IGF2BP3: variants seen among roughly 807,000 people sequenced by gnomAD.
IGF2BP3 encodes insulin like growth factor 2 mRNA binding protein 3, also known as insulin-like growth factor 2 mRNA-binding protein 3.
Under a neutral mutation model 73.8 loss-of-function variants are expected in IGF2BP3, and 9 were observed. That is an observed-to-expected ratio of 0.12 (90% CI 0.07 to 0.21). The LOEUF is 0.21. IGF2BP3 is among the 10% of genes least tolerant of loss of function. The pLI, the probability that IGF2BP3 is intolerant of heterozygous loss-of-function variation, is 1.00. For synonymous variants in IGF2BP3, 258 were observed against 256.7 expected (o/e 1.01, Z -0.05); for missense variants, 542 against 714.0 (o/e 0.76, Z 2.75).
intron 3 of IGF2BP3, chr7:23,415,582 C>A: frequency 3.7e-6 from 1 of 268,144 alleles, no homozygotes; most frequent in South Asian, 3.2e-5. Context: ...GCCGGCGTCA[C>A]TGAATCAGCA....
intron 3 of IGF2BP3, among the ~76,000 whole-genome samples, chr7:23,391,696 CAA>C (rs1467492365): frequency 6.6e-6 from 1 of 152,112 alleles, no homozygotes; most frequent in Non-Finnish European, 1.5e-5. Flanking sequence ...ATGTTTCATC[CAA>C]AAGATTGCAA....
intron 3 of IGF2BP3, among the ~76,000 whole-genome samples, 183 bp from the exon 4 acceptor site, chr7:23,361,924 GC>G (rs901268766): frequency 1.2e-4 from 18 of 152,280 alleles, no homozygotes; most frequent in Non-Finnish European, 2.4e-4. Context: ...TGTCTCTTCT[GC>G]CCTCTCCTAG....
rs1426674511 is a variant in IGF2BP3, at chr7:23,470,128, T to C, written c.-18A>G. ...TTGTTCATTGTGAAGAGTGGTTGTT[T>C]AAAAAAAAATAACGAGAAAAAACGA... On this transcript the variant is annotated 5_prime_UTR_variant, in exon 1 of 15. Transcript: ENST00000258729. The C allele has an allele frequency of 1.3e-6, 2 of 1,542,670 alleles. No homozygotes were observed. Among genetic ancestry groups the C allele is most frequent in the African/African-American group, 2.8e-5 (2 of 71,574 alleles).
chr7:23,332,779 C>T (rs1316352224), intron 10 of IGF2BP3, among the ~76,000 whole-genome samples: 1 of 152,134 alleles, frequency 6.6e-6, no homozygotes, highest in Non-Finnish European at 1.5e-5. Flanking sequence ...TTAATGCCAA[C>T]ACTGACTATC....
chr7:23,416,710 TATG>T (rs1787200465), intron 3 of IGF2BP3, among the ~76,000 whole-genome samples: 1 of 152,218 alleles, frequency 6.6e-6, no homozygotes, highest in South Asian at 2.1e-4. Flanking sequence ...TATCGCTGTT[TATG>T]ATAAGGCTTT....
intron 13 of IGF2BP3, among the ~76,000 whole-genome samples, chr7:23,313,080 G>C (rs1275581381): frequency 6.6e-6 from 1 of 152,162 alleles, no homozygotes; most frequent in Non-Finnish European, 1.5e-5. Flanking sequence ...TTCAAATCCT[G>C]AGTCTGATTC....
intron 3 of IGF2BP3, among the ~76,000 whole-genome samples, chr7:23,387,348 T>G (rs933549215): frequency 6.6e-6 from 1 of 152,130 alleles, no homozygotes; most frequent in African/African-American, 2.4e-5. Context: ...TAGGAAACTG[T>G]CACAGTCAGT....
intron 5 of IGF2BP3, among the ~76,000 whole-genome samples, chr7:23,359,535 T>G (rs565339850): frequency 6.6e-6 from 1 of 152,294 alleles, no homozygotes; most frequent in South Asian, 2.1e-4. Flanking sequence ...CTACCAAGTA[T>G]TCAGTATAAA....
At chr7:23,357,477 A>G (rs902317809) in intron 5 of IGF2BP3, among the ~76,000 whole-genome samples, 1 of 152,196 alleles carries the variant, frequency 6.6e-6, no homozygotes, top group African/African-American at 2.4e-5. Flanking sequence ...AAAAGAAAGT[A>G]TAAGAACTCA....
chr7:23,359,373 T>C (rs1235384191), intron 5 of IGF2BP3, among the ~76,000 whole-genome samples: 1 of 152,238 alleles, frequency 6.6e-6, no homozygotes, highest in Non-Finnish European at 1.5e-5. Flanking sequence ...ACTTATGTTC[T>C]CCCATTCAAC....
At chr7:23,412,151 T>C (rs1382912155) in intron 3 of IGF2BP3, among the ~76,000 whole-genome samples, 2 of 151,980 alleles carry the variant, frequency 1.3e-5, no homozygotes, top group Non-Finnish European at 2.9e-5. Context: ...CCTGGCTAAT[T>C]TTTGTATTTA....
chr7:23,358,723 AT>A (rs1205217751), intron 5 of IGF2BP3, among the ~76,000 whole-genome samples: 1 of 152,220 alleles, frequency 6.6e-6, no homozygotes, highest in Non-Finnish European at 1.5e-5. Flanking sequence ...CATATTCCAT[AT>A]CCCTTTTAAA....
At chr7:23,465,486 T>G (rs1788545833) in intron 2 of IGF2BP3, among the ~76,000 whole-genome samples, 1 of 151,888 alleles carries the variant, frequency 6.6e-6, no homozygotes, top group Admixed American at 6.6e-5. Context: ...CTAAGCTTGG[T>G]CTGAACCAAA....
chr7:23,368,343 A>AAAAAGAAAGAAAG (rs1554321061), intron 3 of IGF2BP3, among the ~76,000 whole-genome samples: 3 of 137,924 alleles, frequency 2.2e-5, no homozygotes, highest in African/African-American at 8.4e-5. Flanking sequence ...AAGAAAGAAA[A>AAAAAGAAAGAAAG]AAAGAAAGAA....
At chr7:23,447,970 A>G (rs1239066753) in intron 2 of IGF2BP3, among the ~76,000 whole-genome samples, 1 of 152,180 alleles carries the variant, frequency 6.6e-6, no homozygotes, top group Non-Finnish European at 1.5e-5. Flanking sequence ...ACAGAGCAAG[A>G]CTGGCTAAAA....
intron 2 of IGF2BP3, among the ~76,000 whole-genome samples, chr7:23,435,534 C>CAACCTCCG (rs1194784312): frequency 3.3e-5 from 5 of 151,198 alleles, no homozygotes; most frequent in Admixed American, 2.6e-4. Flanking sequence ...CAGCTCACCA[C>CAACCTCCG]AACCTCCGCC....
intron 10 of IGF2BP3, among the ~76,000 whole-genome samples, chr7:23,324,274 C>G (rs987207151): frequency 2.6e-5 from 4 of 151,210 alleles, no homozygotes; most frequent in African/African-American, 4.9e-5. Flanking sequence ...AAACTACCAT[C>G]AGAGAATACT....
chr7:23,428,528 A>AT lies in IGF2BP3; in HGVS notation c.237-9705_237-9704insA, dbSNP rs1210714267. Among the ~76,000 whole-genome samples, 587 of 146,486 alleles carry AT rather than the reference A, an allele frequency of 4.0e-3. 2 individuals carry two copies. The highest frequency in any genetic ancestry group is 6.3e-3 in the South Asian group (30 of 4,756). On this transcript the variant is annotated intron_variant, in intron 2 of 14. Transcript: ENST00000258729. ...TTGATGCTGTATAAAAGAAAAAAAA[A>AT]ATATATATATATAATATATATTTTT...
intron 3 of IGF2BP3, among the ~76,000 whole-genome samples, chr7:23,378,923 G>T (rs1785819202): frequency 6.6e-6 from 1 of 151,946 alleles, no homozygotes; most frequent in Non-Finnish European, 1.5e-5. Context: ...AAACACAATT[G>T]AATGAGCAGA....
Sources: allele counts gnomAD v4.1 joint callset (sites outside exome capture counted in the v4.1 genomes callset), GRCh38; gene constraint gnomAD v4.1.1; transcripts MANE v1.5; gene names NCBI Gene and HGNC (gene_info 2026-07-23, HGNC 2026-07-21).